The following DNAH14 variants were observed in gnomAD, a reference collection of about 807,000 sequenced individuals.
DNAH14 encodes the protein dynein axonemal heavy chain 14, also known as axonemal beta dynein heavy chain 14.
Under a neutral mutation model 520.9 loss-of-function variants are expected in DNAH14, and 478 were observed. That is an observed-to-expected ratio of 0.92 (90% confidence interval 0.85 to 0.99). DNAH14 has a LOEUF of 0.99. DNAH14 is among the 50% of genes least tolerant of loss of function. The probability of loss-of-function intolerance (pLI) is 0.00; values close to 1 mark genes in which losing one functional copy is unlikely to be tolerated. For missense variants in DNAH14, 4,831 were observed against 5,234.5 expected, an observed-to-expected ratio of 0.92 and a Z score of 2.38; for synonymous variants, 1,581 against 1,757.2, an observed-to-expected ratio of 0.90 and a Z score of 2.51.
intron 23 of DNAH14, among the ~76,000 whole-genome samples, chr1:225,105,437 T>A (rs1274903207): frequency 6.6e-6 from 1 of 152,154 alleles, no homozygotes; most frequent in Non-Finnish European, 1.5e-5. Context: ...TTCCTGGATA[T>A]CCTTGTTAAC....
chr1:225,124,699 C>G (rs2077557949), intron 27 of DNAH14, among the ~76,000 whole-genome samples: 1 of 152,152 alleles, frequency 6.6e-6, no homozygotes, highest in Non-Finnish European at 1.5e-5. Flanking sequence ...GAGTTGAAAT[C>G]AACTTCTTTC....
At chr1:225,105,813 A>G (rs2075994966) in intron 23 of DNAH14, among the ~76,000 whole-genome samples, 1 of 152,098 alleles carries the variant, frequency 6.6e-6, no homozygotes, top group Non-Finnish European at 1.5e-5. Flanking sequence ...TGAATACAGC[A>G]CACTGATGGT....
chr1:225,216,327 T>G (rs1235262731), intron 41 of DNAH14, among the ~76,000 whole-genome samples: 1 of 152,188 alleles, frequency 6.6e-6, no homozygotes, highest in Admixed American at 6.5e-5. Flanking sequence ...CTGCCCTTAA[T>G]GTTTTTTCCT....
At chr1:225,383,119 G>T (rs2095800602) in intron 81 of DNAH14, among the ~76,000 whole-genome samples, 1 of 152,144 alleles carries the variant, frequency 6.6e-6, no homozygotes, top group South Asian at 2.1e-4. Context: ...GACTACAGTG[G>T]TAGTTGCACA....
At chr1:225,335,890 TATAC>T (rs1363406092) in intron 66 of DNAH14, among the ~76,000 whole-genome samples, 8 of 89,292 alleles carry the variant, frequency 9.0e-5, no homozygotes, top group Admixed American at 6.9e-4. Flanking sequence ...TATATGTACA[TATAC>T]ATACATATAT....
rs375634201 is a variant in DNAH14, at chr1:225,161,644, C to G, written c.5445+2159C>G. Among the ~76,000 whole-genome samples, 40 of 152,254 alleles carry G rather than the reference C, an allele frequency of 2.6e-4. No individual in the cohort carries two copies. In the East Asian group the frequency reaches 4.4e-3, roughly 17 times the overall value. On this transcript the variant is annotated intron_variant, in intron 35 of 85. Transcript: ENST00000682510. ...TTTCAACCACAATGTATGAGTGTTCCCTTTTCTCCACATCCTCACCAGCAT... is the reference window on the plus strand; with the variant it reads ...TTTCAACCACAATGTATGAGTGTTCGCTTTTCTCCACATCCTCACCAGCAT...
chr1:225,346,516 G>C lies in DNAH14; in HGVS notation c.11158G>C (p.Val3720Leu). 2.6e-6 allele frequency: 4 copies of C among 1,551,092 alleles called. No individual in the cohort carries two copies. The highest frequency in any genetic ancestry group is 3.5e-6 in the Non-Finnish European group (4 of 1,146,644). ...KLCFSFRLCT[V>L]IMQNNANGNL... ...TTGCTTCTCTTTTCGGCTTTGCACT[G>C]TAATCATGCAAAACAATGCTAATGG... The change falls in exon 71 of 86, where the codon GTA (valine) becomes CTA (leucine). Residue 3720 changes from valine (V) to leucine (L), a missense_variant. Val to Leu is a conservative substitution (Grantham distance 32). Transcript: ENST00000682510.
chr1:224,985,148 G>A lies in DNAH14; in HGVS notation c.830+10995G>A, dbSNP rs183783133. ...CCTAGAGGAAAAGAAGTTATTATTC[G>A]AAAAAGATACTTGCACATGCATGTT... On this transcript the variant is annotated intron_variant, in intron 8 of 85. Transcript: ENST00000682510. 5.8e-4 allele frequency among the ~76,000 whole-genome samples: 89 copies of A among 152,144 alleles called. No homozygotes were observed. In the East Asian group the frequency reaches 0.012, roughly 21 times the overall value.
Position 225,303,335 on chromosome 1 carries a change from T to C in DNAH14, c.8811T>C (p.Phe2937=), listed in dbSNP as rs2094175506. The C allele has an allele frequency of 6.5e-7, 1 of 1,546,388 alleles. No homozygotes were observed. ...CATTCTTAAAAGAAAAGGTCAATTT[T>C]GAGAACAGAGAGGTAAATATCTAAT... The part of the protein sequence containing the change: ...ANSFLKEKVN[F]ENRENLKEKL... The change falls in exon 57 of 86, where the codon TTT becomes TTC. Residue 2937 remains phenylalanine (F), a synonymous_variant. Transcript: ENST00000682510.
intron 1 of DNAH14, among the ~76,000 whole-genome samples, chr1:224,933,763 T>G (rs992456620): frequency 6.6e-6 from 1 of 152,078 alleles, no homozygotes; most frequent in Non-Finnish European, 1.5e-5. Context: ...CTTGCACTCC[T>G]GGTATAAATC....
At chr1:225,374,261 TATATATA>T (rs1209708372) in intron 77 of DNAH14, among the ~76,000 whole-genome samples, 35 of 109,430 alleles carry the variant, frequency 3.2e-4, no homozygotes, top group African/African-American at 7.6e-4. Flanking sequence ...TATATATATA[TATATATA>T]TATTTTTTTT....
At chr1:225,340,857 A>G (rs1201706108) in intron 69 of DNAH14, among the ~76,000 whole-genome samples, 156 bp downstream of exon 69, 3 of 152,190 alleles carry the variant, frequency 2.0e-5, no homozygotes, top group African/African-American at 4.8e-5. Flanking sequence ...TCTAAACTTA[A>G]ATATTGTGAA....
At chr1:225,285,059 G>A (rs984540428) in intron 54 of DNAH14, among the ~76,000 whole-genome samples, 1 of 152,154 alleles carries the variant, frequency 6.6e-6, no homozygotes, top group African/African-American at 2.4e-5. Context: ...TTTCCCCTAA[G>A]ATTGAGAACA....
intron 27 of DNAH14, among the ~76,000 whole-genome samples, chr1:225,133,058 TTTTTAATGGAG>T (rs1198178990): frequency 3.3e-5 from 5 of 152,224 alleles, no homozygotes; most frequent in Non-Finnish European, 5.9e-5. Context: ...CTTTGCCCAC[TTTTTAATGGAG>T]TTTTTTTTCT....
chr1:225,377,439 A>G lies in DNAH14; in HGVS notation c.12716+3A>G. ...ACCACTGCCAACCTCATGATCAGGT[A>G]AGAACTCGCTAGGAAAAATTGTTGG... On this transcript the variant is annotated splice_donor_region_variant and intron_variant, in intron 79 of 85. Coordinates refer to ENST00000682510, the MANE Select transcript of DNAH14 (RefSeq NM_001367479.1). 1.3e-6 allele frequency: 2 copies of G among 1,541,956 alleles called. No individual in the cohort carries two copies. Among genetic ancestry groups the G allele is most frequent in the Non-Finnish European group, 1.8e-6 (2 of 1,142,414 alleles).
chr1:225,029,652 T>C (rs374463419), intron 11 of DNAH14, among the ~76,000 whole-genome samples: 43 of 152,048 alleles, frequency 2.8e-4, no homozygotes, highest in African/African-American at 9.9e-4. Context: ...GTTTGGGGTA[T>C]TGTGAGACTG....
intron 1 of DNAH14, among the ~76,000 whole-genome samples, chr1:224,947,839 A>T (rs575869811): frequency 6.6e-6 from 1 of 152,014 alleles, no homozygotes; most frequent in East Asian, 1.9e-4. Flanking sequence ...TTCCAAATTT[A>T]TGGGGTTTCA....
chr1:225,149,273 C>T (rs1292568215), intron 31 of DNAH14, among the ~76,000 whole-genome samples: 1 of 152,102 alleles, frequency 6.6e-6, no homozygotes, highest in Non-Finnish European at 1.5e-5. Flanking sequence ...TATTCTGTTC[C>T]ATTGGTCTAT....
At chr1:225,329,265 T>C (rs2094743411) in intron 64 of DNAH14, among the ~76,000 whole-genome samples, 1 of 152,172 alleles carries the variant, frequency 6.6e-6, no homozygotes, top group Non-Finnish European at 1.5e-5. Context: ...TTATACCCTT[T>C]TAAGGGAAGG....
Sources: allele counts gnomAD v4.1 joint callset (sites outside exome capture counted in the v4.1 genomes callset), GRCh38; gene constraint gnomAD v4.1.1; transcripts MANE v1.5; gene names NCBI Gene and HGNC (gene_info 2026-07-23, HGNC 2026-07-21).